COA8: variants seen among roughly 807,000 people sequenced by gnomAD.
The protein encoded by COA8 is cytochrome c oxidase assembly factor 8.
A neutral mutation model predicts 22.0 loss-of-function variants in COA8; 20 were observed. That is an observed-to-expected ratio of 0.91 (90% CI 0.64 to 1.32). The LOEUF is 1.32. Ranked by LOEUF, COA8 falls within the 40% of genes most tolerant of loss-of-function variation. COA8 has a pLI of 0.00. For missense variants in COA8, 266 were observed against 230.0 expected (o/e 1.16, Z -1.01); for synonymous variants, 105 against 79.9 (o/e 1.31, Z -1.68).
rs1162136633 is a variant in COA8, at chr14:103,563,051, G to C, written c.50G>C (p.Arg17Pro). ...GKKTFLPPLC[R>P]AFACRGCQLA... The stretch of plus-strand genomic sequence containing the variant: ...AAGACCTTTCTCCCCCCTCTCTGCC[G>C]CGCCTTCGCCTGCCGCGGCTGTCAA... The change falls in exon 1 of 5, where the codon CGC (arginine) becomes CCC (proline). Residue 17 changes from arginine (R) to proline (P), a missense_variant. By Grantham distance (103) the Arg-to-Pro change is moderately radical. Coordinates refer to ENST00000409074, the MANE Select transcript of COA8 (RefSeq NM_001370595.2). 1 of 1,540,532 alleles carries C rather than the reference G, an allele frequency of 6.5e-7. No individual in the cohort carries two copies.
Position 103,581,678 on chromosome 14 carries a change from A to G in COA8, c.386-5596A>G. ...CACAGTTGAGTAAACCGAGGCACAG[A>G]AGAAAATGAAGTAGCCCCAGATGAC... On this transcript the variant is annotated intron_variant, in intron 3 of 4. Transcript: ENST00000409074. The surrounding 1 kb of genome is among the most constrained non-coding windows in gnomAD (Gnocchi z 4.1). The G allele has an allele frequency of 2.5e-6, 1 of 398,716 alleles. No homozygotes were observed. The highest frequency in any genetic ancestry group is 4.4e-6 in the Non-Finnish European group (1 of 226,132). The allele number at this position is 398,716 out of a possible 1,614,324, so 24.7% of individuals were successfully genotyped here. A position where few individuals can be genotyped will look rare whatever the true frequency, so the allele number is the denominator to read the frequency against.
chr14:103,587,122 G>C (rs1019817231), intron 3 of COA8, 152 bp from the exon 4 acceptor site: 3 of 529,122 alleles, frequency 5.7e-6, no homozygotes, highest in Non-Finnish European at 1.0e-5. Context: ...ATTTCAGACT[G>C]TTCATTGCTA....
chr14:103,590,013 G>C (rs1014098439), intron 4 of COA8, among the ~76,000 whole-genome samples, 168 bp from the exon 5 acceptor site: 2 of 152,192 alleles, frequency 1.3e-5, no homozygotes, highest in African/African-American at 4.8e-5. Context: ...AGCCTGAGGA[G>C]AGGCAGGCCT....
At chr14:103,568,127 G>T (rs570638240) in intron 1 of COA8, among the ~76,000 whole-genome samples, 3 of 152,276 alleles carry the variant, frequency 2.0e-5, no homozygotes, top group Admixed American at 2.0e-4. Flanking sequence ...AAGCAAGAAC[G>T]CTAAGAGCTT....
intron 3 of COA8, among the ~76,000 whole-genome samples, chr14:103,583,920 TTTA>T (rs2076286772): frequency 6.6e-6 from 1 of 152,224 alleles, no homozygotes; most frequent in Non-Finnish European, 1.5e-5. Context: ...CTCTTAGCGG[TTTA>T]TTATTAAGGA....
rs953024240 is a variant in COA8, at chr14:103,587,512, T to C, written c.476+148T>C. 8 of 429,696 alleles carry C rather than the reference T, an allele frequency of 1.9e-5. No individual in the cohort carries two copies. In the East Asian group the frequency reaches 2.4e-4, roughly 13 times the overall value. The allele number at this position is 429,696 out of a possible 1,614,324, so 26.6% of individuals were successfully genotyped here. ...AACTTTTTTTTTTCTTTTTTTCTTT[T>C]TTTTTTTTTTTTTGAGACGGAGTTT... On this transcript the variant is annotated intron_variant, in intron 4 of 4. Transcript: ENST00000409074.
chr14:103,564,101 C>T (rs955317589), intron 1 of COA8, among the ~76,000 whole-genome samples: 5 of 151,706 alleles, frequency 3.3e-5, no homozygotes, highest in African/African-American at 1.2e-4. Flanking sequence ...TGCTGTGAGT[C>T]GAGATCGCGC....
chr14:103,588,481 ATAT>A (rs764503685), intron 4 of COA8, among the ~76,000 whole-genome samples: 2 of 145,876 alleles, frequency 1.4e-5, no homozygotes, highest in Non-Finnish European at 1.5e-5. Context: ...AATTAAAAAA[ATAT>A]ATATATATAT....
chr14:103,582,459 A>G (rs2076275208), intron 3 of COA8, among the ~76,000 whole-genome samples: 1 of 152,130 alleles, frequency 6.6e-6, no homozygotes, highest in Non-Finnish European at 1.5e-5. Context: ...TCATGTGTAA[A>G]CAGCCCCACC....
intron 1 of COA8, among the ~76,000 whole-genome samples, chr14:103,568,520 CACACACAT>C (rs1314970408): frequency 1.3e-5 from 2 of 150,718 alleles, no homozygotes; most frequent in Non-Finnish European, 2.9e-5. Context: ...CATATATATA[CACACACAT>C]ACACATATAC....
intron 1 of COA8, among the ~76,000 whole-genome samples, chr14:103,567,817 A>G (rs531297352): frequency 3.3e-4 from 50 of 152,314 alleles, no homozygotes; most frequent in African/African-American, 1.0e-3. Context: ...TAACGTATGT[A>G]TACAGCAGGG....
chr14:103,574,353 T>A, intron 3 of COA8, 183 bp downstream of exon 3: 1 of 802,170 alleles, frequency 1.2e-6, no homozygotes, highest in Non-Finnish European at 2.1e-6. Flanking sequence ...GGCATGGCTC[T>A]CCAATCTCAG....
At chr14:103,571,181 C>T (rs997547218) in intron 1 of COA8, among the ~76,000 whole-genome samples, 13 of 152,116 alleles carry the variant, frequency 8.5e-5, no homozygotes, top group African/African-American at 2.7e-4. Flanking sequence ...TCCTGGCTAA[C>T]AGGGTGAAAC....
intron 1 of COA8, chr14:103,563,358 T>A: frequency 1.4e-6 from 1 of 696,566 alleles, no homozygotes; most frequent in Non-Finnish European, 2.6e-6. Flanking sequence ...GCCAGAACCT[T>A]TAAGCGTAAC....
intron 3 of COA8, among the ~76,000 whole-genome samples, chr14:103,580,109 C>T (rs373311985): frequency 1.3e-5 from 2 of 152,104 alleles, no homozygotes; most frequent in East Asian, 1.9e-4. Context: ...CAAAGCCTTG[C>T]TCTGCCACTC....
intron 2 of COA8, 113 bp downstream of exon 2, chr14:103,571,933 C>G: frequency 1.2e-6 from 1 of 845,620 alleles, no homozygotes; most frequent in Non-Finnish European, 1.8e-6. Context: ...CGAGACCATC[C>G]TGGCTAACAC....
Position 103,590,283 on chromosome 14 carries a change from C to T in COA8, c.579C>T (p.Asn193=). The T allele has an allele frequency of 6.2e-7, 1 of 1,613,634 alleles. No individual in the cohort carries two copies. The highest frequency in any genetic ancestry group is 8.5e-7 in the Non-Finnish European group (1 of 1,179,610). ...KLKQKQKKRS[N] ...AACAGAAACAAAAGAAGAGGAGCAA[C>T]TAGGAGTCCACTCTGACCCAGCCAG... Residue 193 remains asparagine (N), a synonymous_variant, in exon 5 of 5, where the codon AAC becomes AAT. Transcript: ENST00000409074.
In COA8 at chr14:103,568,488, C is replaced by T. The variant is rs546163424; in HGVS notation, c.124-3135C>T. 3.0e-4 allele frequency among the ~76,000 whole-genome samples: 46 copies of T among 151,810 alleles called. No individual in the cohort carries two copies. In the East Asian group the frequency reaches 7.9e-3, roughly 26 times the overall value. On this transcript the variant is annotated intron_variant, in intron 1 of 4. Transcript: ENST00000409074. ...ACATACACACACACATATATACACA[C>T]ATATATATACACACATGTATACATA... is the stretch of plus-strand genomic sequence containing the variant.
At chr14:103,577,265 G>T (rs1001215444) in intron 3 of COA8, among the ~76,000 whole-genome samples, 2 of 151,872 alleles carry the variant, frequency 1.3e-5, no homozygotes, top group Non-Finnish European at 2.9e-5. Flanking sequence ...TTTCGTAGAC[G>T]GAGTTTCACC....
Sources: gnomAD v4.1 joint callset for allele counts (sites outside exome capture counted in the v4.1 genomes callset) on GRCh38, gnomAD v4.1.1 for gene constraint, Gnocchi (gnomAD v3.1) non-coding constraint, MANE v1.5 for transcripts, NCBI Gene and HGNC (gene_info 2026-07-23, HGNC 2026-07-21) for gene names.